Variants in POTEF observed in about 807,000 individuals in gnomAD.
The protein encoded by POTEF is POTE ankyrin domain family member F.
A neutral mutation model predicts 83.2 loss-of-function variants in POTEF; 20 were observed. The ratio of observed to expected loss-of-function variants is 0.24; its 90% CI spans 0.17 to 0.35. POTEF has a LOEUF of 0.35. Among genes scored for constraint, POTEF ranks in the 10% least tolerant of loss-of-function variants. POTEF has a pLI of 1.00. For missense variants in POTEF, 550 were observed against 1,203.2 expected (o/e 0.46, Z 8.03); for synonymous variants, 196 against 446.4 (o/e 0.44, Z 7.07).
intron 8 of POTEF, among the ~76,000 whole-genome samples, chr2:130,103,429 G>A (rs1412816795): frequency 6.7e-6 from 1 of 149,526 alleles, no homozygotes; most frequent in African/African-American, 2.5e-5. Flanking sequence ...AATGCTATGA[G>A]AACGTCTTCC....
intron 3 of POTEF, among the ~76,000 whole-genome samples, chr2:130,115,709 G>C (rs1415159339): frequency 6.6e-6 from 1 of 152,198 alleles, no homozygotes; most frequent in African/African-American, 2.4e-5. Flanking sequence ...CTGCACAAAA[G>C]ATATAGAATA....
rs1235139574 is a variant in POTEF, at chr2:130,074,946, C to G, written c.2526G>C (p.Leu842=). The G allele has an allele frequency of 2.5e-6, 4 of 1,607,994 alleles. No individual in the cohort carries two copies. Among genetic ancestry groups the G allele is most frequent in the Admixed American group, 3.4e-5 (2 of 58,996 alleles). The change falls in exon 17 of 17, where the codon CTG becomes CTC. Residue 842 remains leucine, a synonymous_variant. Transcript: ENST00000409914. ...TGCCAGTAGTACGGCCAGAGGTGTA[C>G]AGGGACAGCACAGCCTGGATGGCCA... is the stretch of plus-strand genomic sequence containing the variant. The part of the protein sequence containing the change: ...MYVAIQAVLS[L]YTSGRTTGIV...
intron 2 of POTEF, among the ~76,000 whole-genome samples, chr2:130,126,303 C>CAAAAAAAAAAA (rs754556482): frequency 1.6e-4 from 20 of 122,600 alleles, no homozygotes; most frequent in South Asian, 2.6e-4. Context: ...AACTCCATCT[C>CAAAAAAAAAAA]AAAAAAAAAA....
In POTEF at chr2:130,120,376, C is replaced by A. The variant is rs769691310; in HGVS notation, c.140G>T (p.Gly47Val). Residue 47 changes from glycine (G) to valine (V), a missense_variant, in exon 3 of 17, where the codon GGA (glycine) becomes GTA (valine). Physicochemically the swap from Gly to Val is moderately radical, Grantham distance 109. Coordinates refer to ENST00000409914, the MANE Select transcript of POTEF (RefSeq NM_001099771.2). ...CTTCATAGCAGAGTCGTCGTGGTCT[C>A]CAGAAGTGCCCACGTTGCTCTTGCC... ...ESGKSNVGTS[G>V]DHDDSAMKTL... 1 of 1,602,624 alleles carries A rather than the reference C, an allele frequency of 6.2e-7. No individual in the cohort carries two copies. Among genetic ancestry groups the A allele is most frequent in the East Asian group, 2.2e-5 (1 of 44,772 alleles).
At chr2:130,088,595 C>CTT (rs1312968637) in intron 12 of POTEF, among the ~76,000 whole-genome samples, 1 of 51,170 alleles carries the variant, frequency 2.0e-5, no homozygotes, top group Non-Finnish European at 3.7e-5. Flanking sequence ...TTTCTTTTTT[C>CTT]TTTTTTTTTT....
In POTEF at chr2:130,099,124, T is replaced by C. The variant is rs1257825508; in HGVS notation, c.1409+346A>G. On this transcript the variant is annotated intron_variant, in intron 11 of 16. Transcript: ENST00000409914. ...GACCAAAAAACTAACTTTTGGTGTTTTGCTTATTATGTGGCTGATGAAATA... is the reference window on the plus strand; with the variant it reads ...GACCAAAAAACTAACTTTTGGTGTTCTGCTTATTATGTGGCTGATGAAATA... Among the ~76,000 whole-genome samples the C allele has an allele frequency of 3.4e-5, 2 of 58,840 alleles. 1 individual carries two copies. Among genetic ancestry groups the C allele is most frequent in the Non-Finnish European group, 6.1e-5 (2 of 32,814 alleles). The allele number at this position is 58,840 out of a possible 152,430, so 38.6% of individuals were successfully genotyped here. A position where few individuals can be genotyped will look rare whatever the true frequency, so the allele number is the denominator to read the frequency against.
At position 130,075,242 on chromosome 2, in the gene POTEF, T is replaced by C. The variant is rs747907032; in HGVS notation, c.2230A>G (p.Met744Val). ...GACTCTTTCTGATGCATGCCCCCCATCATGCCCTGCTGCCTGGGGCGCCCC... is the reference window on the plus strand; with the variant it reads ...GACTCTTTCTGATGCATGCCCCCCACCATGCCCTGCTGCCTGGGGCGCCCC... ...IVGRPRQQGM[M>V]GGMHQKESYV... The change falls in exon 17 of 17, where the codon ATG (methionine) becomes GTG (valine). Residue 744 changes from methionine to valine, a missense_variant. Physicochemically the swap from Met to Val is conservative, Grantham distance 21 (BLOSUM62 1). Transcript: ENST00000409914. 47 of 1,612,394 alleles carry C rather than the reference T, an allele frequency of 2.9e-5. No homozygotes were observed. The East Asian group carries it at 1.0e-3, about 34-fold the overall frequency.
At chr2:130,120,824 T>G (rs1573617755) in intron 2 of POTEF, 1 of 466,686 alleles carries the variant, frequency 2.1e-6, no homozygotes, top group African/African-American at 2.5e-5. Context: ...AGAGAAAAGG[T>G]CAAGCCCAGC....
chr2:130,121,289 A>G (rs1282919114), intron 2 of POTEF, among the ~76,000 whole-genome samples: 1 of 148,820 alleles, frequency 6.7e-6, no homozygotes, highest in East Asian at 2.0e-4. Context: ...CTTTCAAGCC[A>G]CTGAGAAGCC....
At chr2:130,101,334 T>C (rs1684367158) in intron 9 of POTEF, among the ~76,000 whole-genome samples, 1 of 150,338 alleles carries the variant, frequency 6.7e-6, no homozygotes, top group African/African-American at 2.5e-5. Context: ...AGTCCAGTTC[T>C]AATATATTCT....
intron 2 of POTEF, among the ~76,000 whole-genome samples, chr2:130,122,675 T>A (rs551341821): frequency 1.3e-5 from 2 of 151,560 alleles, no homozygotes; most frequent in Admixed American, 1.3e-4. Flanking sequence ...GATATAGGAC[T>A]TTTTCTATTT....
intron 7 of POTEF, 123 bp downstream of exon 7, chr2:130,110,420 C>T: frequency 1.3e-6 from 2 of 1,588,416 alleles, no homozygotes; most frequent in Non-Finnish European, 1.7e-6. Flanking sequence ...GACTAAAACT[C>T]ACTGCCACGC....
intron 3 of POTEF, among the ~76,000 whole-genome samples, chr2:130,118,001 C>A (rs187312191): frequency 0.046 from 6,947 of 149,898 alleles, 576 homozygotes; most frequent in African/African-American, 0.16. Context: ...AATGTAGTGG[C>A]GCGATCTCGG....
chr2:130,104,438 C>T lies in POTEF; in HGVS notation c.1127-2258G>A, dbSNP rs1307867772. ...TAAATACTAGCCTATACAAAAAACA[C>T]TCTTTCTCTTTTTTCATTTTGTTAT... is the stretch of plus-strand genomic sequence containing the variant. On this transcript the variant is annotated intron_variant, in intron 8 of 16. Transcript: ENST00000409914. Among the ~76,000 whole-genome samples the T allele has an allele frequency of 1.3e-4, 19 of 147,272 alleles. No individual in the cohort carries two copies. The South Asian group carries it at 2.0e-3, about 15-fold the overall frequency.
At chr2:130,096,631 G>C (rs1684243574) in intron 11 of POTEF, among the ~76,000 whole-genome samples, 2 of 152,270 alleles carry the variant, frequency 1.3e-5, no homozygotes, top group South Asian at 2.1e-4. Context: ...GAAATCACTA[G>C]CATATACACA....
chr2:130,075,603 A>G (rs1305485558), intron 16 of POTEF, 31 bp from the exon 17 acceptor site: 6 of 1,589,900 alleles, frequency 3.8e-6, no homozygotes, highest in Admixed American at 1.8e-5. Flanking sequence ...TTTAGTTAGC[A>G]CTCAATAGAT....
At chr2:130,113,215 T>A (rs1684756692) in intron 5 of POTEF, among the ~76,000 whole-genome samples, 1 of 97,010 alleles carries the variant, frequency 1.0e-5, no homozygotes. Flanking sequence ...AAACCTCATC[T>A]CTACTGAAAA....
In POTEF at chr2:130,110,845, C is replaced by A. The variant is rs1476511048; in HGVS notation, c.918-165G>T. Reference sequence around the variant, plus strand: ...AGTGTTCATCTTTGTAAAATGCCACCAAGGTTAAAAGGAAGGGACCAAAAA... The same window carrying A: ...AGTGTTCATCTTTGTAAAATGCCACAAAGGTTAAAAGGAAGGGACCAAAAA... On this transcript the variant is annotated intron_variant, in intron 6 of 16. Coordinates refer to ENST00000409914, the MANE Select transcript of POTEF (RefSeq NM_001099771.2). 3.8e-3 allele frequency among the ~76,000 whole-genome samples: 342 copies of A among 89,424 alleles called. 4 individuals carry two copies. The highest frequency in any genetic ancestry group is 4.8e-3 in the Admixed American group (39 of 8,168). The allele number at this position is 89,424 out of a possible 152,430, so 58.7% of individuals were successfully genotyped here.
chr2:130,099,052 C>T lies in POTEF; in HGVS notation c.1409+418G>A, dbSNP rs1432240192. Among the ~76,000 whole-genome samples the T allele has an allele frequency of 6.5e-5, 5 of 77,350 alleles. 2 individuals carry two copies. The highest frequency in any genetic ancestry group is 1.2e-4 in the Non-Finnish European group (5 of 40,946). The allele number at this position is 77,350 out of a possible 152,430, so 50.7% of individuals were successfully genotyped here. Reference sequence around the variant, plus strand: ...CTCATGGACACAAAGAGGAGAATAACAGGCACCAAGGGTCTACTTGAAGGT... The same window carrying T: ...CTCATGGACACAAAGAGGAGAATAATAGGCACCAAGGGTCTACTTGAAGGT... On this transcript the variant is annotated intron_variant, in intron 11 of 16. Coordinates refer to ENST00000409914, the MANE Select transcript of POTEF (RefSeq NM_001099771.2).
Sources: allele counts gnomAD v4.1 joint callset (sites outside exome capture counted in the v4.1 genomes callset), GRCh38; gene constraint gnomAD v4.1.1; transcripts MANE v1.5; gene names NCBI Gene and HGNC (gene_info 2026-07-23, HGNC 2026-07-21).